The following KCTD8 variants were observed in gnomAD, a reference collection of about 807,000 sequenced individuals.
KCTD8 encodes the protein potassium channel tetramerization domain containing 8, also known as BTB/POZ domain-containing protein KCTD8.
In KCTD8, 27 loss-of-function variants were observed where a neutral mutation model predicts 31.5. The observed-to-expected ratio is 0.86, with a 90% CI of 0.63 to 1.18. The LOEUF is 1.18. Ranked by LOEUF, KCTD8 falls within the 50% of genes most tolerant of loss-of-function variation. KCTD8 has a pLI of 0.00. For missense variants in KCTD8, 658 were observed against 647.7 expected (o/e 1.02, Z -0.17); for synonymous variants, 290 against 280.0 (o/e 1.04, Z -0.36).
At chr4:44,280,322 T>C (rs1285237442) in intron 1 of KCTD8, among the ~76,000 whole-genome samples, 3 of 152,094 alleles carry the variant, frequency 2.0e-5, no homozygotes, top group Non-Finnish European at 4.4e-5. Context: ...ATATGATTCA[T>C]ACTGCTACCC....
At chr4:44,401,317 T>C (rs1259863244) in intron 1 of KCTD8, among the ~76,000 whole-genome samples, 2 of 152,128 alleles carry the variant, frequency 1.3e-5, no homozygotes, top group African/African-American at 4.8e-5. Flanking sequence ...TAGAACTCTC[T>C]GGAATGGCTG....
At chr4:44,272,399 C>T (rs551907384) in intron 1 of KCTD8, among the ~76,000 whole-genome samples, 38 of 151,980 alleles carry the variant, frequency 2.5e-4, no homozygotes, top group African/African-American at 8.7e-4. Flanking sequence ...TGTCCCATCG[C>T]TCATACTTAA....
chr4:44,405,667 C>T (rs949152449), intron 1 of KCTD8, among the ~76,000 whole-genome samples: 2 of 152,020 alleles, frequency 1.3e-5, no homozygotes, highest in Admixed American at 1.3e-4. Context: ...GAACTCTACT[C>T]AAATAGTTCC....
At chr4:44,384,162 TAAC>T (rs1347762837) in intron 1 of KCTD8, among the ~76,000 whole-genome samples, 4 of 151,048 alleles carry the variant, frequency 2.6e-5, no homozygotes, top group African/African-American at 9.7e-5. Context: ...CAAAAAAAAA[TAAC>T]AAATGCTGGT....
intron 1 of KCTD8, among the ~76,000 whole-genome samples, chr4:44,331,409 T>A (rs908556441): frequency 6.6e-6 from 1 of 151,776 alleles, no homozygotes; most frequent in African/African-American, 2.4e-5. Context: ...AAAATTATAT[T>A]ATTTTGGAAA....
intron 1 of KCTD8, among the ~76,000 whole-genome samples, chr4:44,403,532 G>T (rs1480740082): frequency 6.6e-6 from 1 of 151,752 alleles, no homozygotes. Context: ...AGGTTTGGCT[G>T]CTCCTGAGGC....
At chr4:44,216,007 A>G (rs1182545588) in intron 1 of KCTD8, among the ~76,000 whole-genome samples, 1 of 152,188 alleles carries the variant, frequency 6.6e-6, no homozygotes, top group Non-Finnish European at 1.5e-5. Flanking sequence ...TTAAAATTTT[A>G]TTAAATATAT....
intron 1 of KCTD8, among the ~76,000 whole-genome samples, chr4:44,227,958 T>C (rs1306683323): frequency 1.3e-5 from 2 of 152,180 alleles, no homozygotes; most frequent in African/African-American, 4.8e-5. Flanking sequence ...CAGTTAGTGA[T>C]CCTCTTAAAG....
intron 1 of KCTD8, among the ~76,000 whole-genome samples, chr4:44,395,432 T>C (rs1720477620): frequency 6.6e-6 from 1 of 152,056 alleles, no homozygotes; most frequent in South Asian, 2.1e-4. Flanking sequence ...TGACTTAGGT[T>C]TCACCTAGGA....
chr4:44,337,802 G>C (rs867865291), intron 1 of KCTD8, among the ~76,000 whole-genome samples: 39 of 151,586 alleles, frequency 2.6e-4, no homozygotes, highest in African/African-American at 8.2e-4. Context: ...GTCCAAAATT[G>C]TACAAATGAC....
intron 1 of KCTD8, among the ~76,000 whole-genome samples, chr4:44,257,777 T>C (rs543090663): frequency 1.3e-5 from 2 of 152,042 alleles, no homozygotes; most frequent in East Asian, 3.9e-4. Flanking sequence ...TAAAAATGAG[T>C]TGAAAGTAAT....
chr4:44,444,436 A>G (rs993223185), intron 1 of KCTD8, among the ~76,000 whole-genome samples: 7 of 152,226 alleles, frequency 4.6e-5, no homozygotes, highest in African/African-American at 1.7e-4. Context: ...TTTAATTGCA[A>G]AATAATTTTT....
At chr4:44,284,143 T>A (rs1486991285) in intron 1 of KCTD8, among the ~76,000 whole-genome samples, 1 of 152,132 alleles carries the variant, frequency 6.6e-6, no homozygotes, top group Non-Finnish European at 1.5e-5. Flanking sequence ...AAACTTCATA[T>A]GGAACCAAAA....
chr4:44,192,578 G>A (rs546766470), intron 1 of KCTD8, among the ~76,000 whole-genome samples: 1 of 152,042 alleles, frequency 6.6e-6, no homozygotes, highest in Admixed American at 6.6e-5. Context: ...TTGTAGTAAA[G>A]TAAGTTTTTC....
intron 1 of KCTD8, among the ~76,000 whole-genome samples, chr4:44,315,709 G>C (rs1287833199): frequency 6.6e-6 from 1 of 151,928 alleles, no homozygotes; most frequent in African/African-American, 2.4e-5. Flanking sequence ...CCTCACATTT[G>C]ATTGATAACA....
intron 1 of KCTD8, among the ~76,000 whole-genome samples, chr4:44,199,156 T>G (rs1440266569): frequency 3.3e-5 from 5 of 152,066 alleles, no homozygotes; most frequent in Non-Finnish European, 7.4e-5. Context: ...CAAAACAAGT[T>G]CTTTTTGACT....
At chr4:44,213,636 G>A (rs575545615) in intron 1 of KCTD8, among the ~76,000 whole-genome samples, 2 of 152,202 alleles carry the variant, frequency 1.3e-5, no homozygotes, top group Admixed American at 1.3e-4. Flanking sequence ...TATCTAGAAT[G>A]AAAAATCCCT....
Position 44,312,613 on chromosome 4 carries a change from A to G in KCTD8, c.961+134950T>C, listed in dbSNP as rs185656420. Among the ~76,000 whole-genome samples, 145 of 152,322 alleles carry G rather than the reference A, an allele frequency of 9.5e-4. 2 individuals carry two copies. Among genetic ancestry groups the G allele is most frequent in the South Asian group, 4.1e-3 (20 of 4,822 alleles). On this transcript the variant is annotated intron_variant, in intron 1 of 1. Coordinates refer to ENST00000360029, the MANE Select transcript of KCTD8 (RefSeq NM_198353.3). Reference sequence around the variant, plus strand: ...AGCAAATTTACATAGATATATGAAAAAAGCATTACATATCCCCCATCTCTG... The same window carrying G: ...AGCAAATTTACATAGATATATGAAAGAAGCATTACATATCCCCCATCTCTG...
At chr4:44,331,811 T>C (rs1718597197) in intron 1 of KCTD8, among the ~76,000 whole-genome samples, 1 of 149,342 alleles carries the variant, frequency 6.7e-6, no homozygotes, top group African/African-American at 2.4e-5. Flanking sequence ...TGTATATATA[T>C]ATAAATTCAT....
Sources: gnomAD v4.1 joint callset for allele counts (sites outside exome capture counted in the v4.1 genomes callset) on GRCh38, gnomAD v4.1.1 for gene constraint, MANE v1.5 for transcripts, NCBI Gene and HGNC (gene_info 2026-07-23, HGNC 2026-07-21) for gene names.